Variants in PAX2 observed in about 807,000 individuals in gnomAD.
PAX2 encodes paired box protein Pax-2.
In PAX2, 9 loss-of-function variants were observed where a neutral mutation model predicts 41.7. That is an observed-to-expected ratio of 0.22 (90% CI 0.13 to 0.38). The LOEUF (loss-of-function observed/expected upper bound fraction) is 0.38. Ranked by LOEUF, PAX2 falls within the 10% of genes least tolerant of loss-of-function variation. PAX2 has a pLI of 1.00. For missense variants in PAX2, 418 were observed against 531.6 expected, an observed-to-expected ratio of 0.79 and a Z score of 2.10; for synonymous variants, 221 against 212.7, an observed-to-expected ratio of 1.04 and a Z score of -0.34.
intron 5 of PAX2, among the ~76,000 whole-genome samples, chr10:100,800,837 TG>T (rs1165245620): frequency 2.0e-5 from 3 of 152,012 alleles, no homozygotes; most frequent in Non-Finnish European, 2.9e-5. Flanking sequence ...AATGAGGAGA[TG>T]AGATATTTTG....
intron 7 of PAX2, among the ~76,000 whole-genome samples, chr10:100,814,351 C>CAAAA (rs11458573): frequency 0.022 from 1,149 of 53,396 alleles, 148 homozygotes; most frequent in African/African-American, 0.069. Flanking sequence ...GACTCCATCT[C>CAAAA]AAAAAAAAAA....
intron 7 of PAX2, among the ~76,000 whole-genome samples, chr10:100,813,401 G>A (rs576021393): frequency 1.3e-5 from 2 of 152,310 alleles, no homozygotes; most frequent in Admixed American, 1.3e-4. Flanking sequence ...TCACTCTTTG[G>A]TGCCAGAAAT....
chr10:100,815,810 C>G (rs1335252746), intron 7 of PAX2, among the ~76,000 whole-genome samples: 3 of 152,192 alleles, frequency 2.0e-5, no homozygotes, highest in African/African-American at 7.2e-5. Context: ...AGGTCCCAAT[C>G]CCATGTCCTT....
chr10:100,788,004 G>A (rs1261983373), intron 5 of PAX2, among the ~76,000 whole-genome samples: 1 of 152,176 alleles, frequency 6.6e-6, no homozygotes, highest in East Asian at 1.9e-4. Flanking sequence ...CAGCAGACCA[G>A]CCGTGGTGTC....
At chr10:100,746,476 G>T (rs1486653695) in intron 1 of PAX2, among the ~76,000 whole-genome samples, 173 bp downstream of exon 1, 2 of 152,100 alleles carry the variant, frequency 1.3e-5, no homozygotes, top group Non-Finnish European at 2.9e-5. Flanking sequence ...AATGCCTCCA[G>T]TTTCTCTCCT....
chr10:100,747,575 T>G, intron 1 of PAX2: 2 of 979,590 alleles, frequency 2.0e-6, no homozygotes, highest in Non-Finnish European at 2.4e-6. Flanking sequence ...CAAGGAAACT[T>G]TAGACCCGGC....
chr10:100,792,304 G>T (rs1298943878), intron 5 of PAX2, among the ~76,000 whole-genome samples: 2 of 152,242 alleles, frequency 1.3e-5, no homozygotes, highest in African/African-American at 4.8e-5. Context: ...ATGTGTAAGT[G>T]GGCCAGGACC....
chr10:100,776,560 C>T (rs1846394373), intron 3 of PAX2, among the ~76,000 whole-genome samples: 1 of 152,192 alleles, frequency 6.6e-6, no homozygotes, highest in Non-Finnish European at 1.5e-5. Flanking sequence ...CCAGTATCCA[C>T]TCCTTAGGCC....
At chr10:100,744,590 C>A (rs1355175295), upstream of PAX2, among the ~76,000 whole-genome samples, 1 of 152,190 alleles carries the variant, frequency 6.6e-6, no homozygotes. Context: ...TAGCAGCGGG[C>A]GGCGCTCAGC....
intron 5 of PAX2, among the ~76,000 whole-genome samples, chr10:100,782,522 C>G (rs1027238839): frequency 2.0e-5 from 3 of 152,260 alleles, no homozygotes; most frequent in Non-Finnish European, 4.4e-5. Flanking sequence ...GATCCCCCAG[C>G]CTAGGCTGAG....
At position 100,781,288 on chromosome 10, in the gene PAX2, A is replaced by C; in HGVS notation, c.539A>C (p.Asp180Ala). The C allele has an allele frequency of 6.2e-7, 1 of 1,613,320 alleles. No individual in the cohort carries two copies. Among genetic ancestry groups the C allele is most frequent in the Non-Finnish European group, 8.5e-7 (1 of 1,179,410 alleles). The change falls in exon 5 of 10, where the codon GAC becomes GCC. Residue 180 changes from aspartate (D) to alanine (A), a missense_variant. This residue lies in a region of PAX2 where 310 missense variants were observed against 325.2 expected (regional missense o/e 0.95). Transcript: ENST00000355243. Reference sequence around the variant, plus strand: ...CCTCCTGTTTCCAGCGCCTCCAATGACCCAGTGGGATCCTACTCCATCAAT... The same window carrying C: ...CCTCCTGTTTCCAGCGCCTCCAATGCCCCAGTGGGATCCTACTCCATCAAT... ...ASPPVSSASNDPVGSYSINGI... is the reference protein window; with the variant it reads ...ASPPVSSASNAPVGSYSINGI...
chr10:100,735,657 A>G (rs772478804), exon 1 of PAX2: 93 of 1,059,650 alleles, frequency 8.8e-5, no homozygotes, highest in Non-Finnish European at 1.0e-4. Context: ...GCCGCGGAGG[A>G]GCGGGACAGC....
intron 3 of PAX2, among the ~76,000 whole-genome samples, chr10:100,769,950 T>C (rs1039986815): frequency 1.3e-5 from 2 of 152,134 alleles, no homozygotes; most frequent in Non-Finnish European, 2.9e-5. Flanking sequence ...ATTGGAAAGC[T>C]AGGATAGAGC....
chr10:100,762,925 C>T (rs963385740), intron 3 of PAX2, among the ~76,000 whole-genome samples: 1 of 152,196 alleles, frequency 6.6e-6, no homozygotes, highest in African/African-American at 2.4e-5. Context: ...GGGATTGATC[C>T]ATCAGTTCCT....
intron 3 of PAX2, among the ~76,000 whole-genome samples, chr10:100,755,685 A>G (rs1450605371): frequency 1.3e-5 from 2 of 152,206 alleles, no homozygotes; most frequent in Non-Finnish European, 2.9e-5. Context: ...CCATACAGCC[A>G]GAGATTTCGA....
At chr10:100,787,262 G>A (rs1305604858) in intron 5 of PAX2, among the ~76,000 whole-genome samples, 1 of 152,076 alleles carries the variant, frequency 6.6e-6, no homozygotes. Flanking sequence ...GTGGATGGGG[G>A]GTCACTTTTT....
chr10:100,785,803 A>T (rs2133907557), intron 5 of PAX2, among the ~76,000 whole-genome samples: 1 of 152,318 alleles, frequency 6.6e-6, no homozygotes, highest in East Asian at 1.9e-4. Context: ...AGAGCAGGGC[A>T]TGGATGGGCA....
upstream of PAX2, among the ~76,000 whole-genome samples, chr10:100,741,621 G>T (rs1032520514): frequency 3.9e-5 from 6 of 152,176 alleles, no homozygotes; most frequent in Non-Finnish European, 1.5e-5. Flanking sequence ...CAGAGGGCGA[G>T]TGAGCCTCGG....
chr10:100,806,129 GCTGGCTCCTGGGAGCCCC>G (rs1354473858), intron 5 of PAX2, among the ~76,000 whole-genome samples: 1 of 152,140 alleles, frequency 6.6e-6, no homozygotes, highest in Non-Finnish European at 1.5e-5. Flanking sequence ...GCCCCAGGGA[GCTGGCTCCTGGGAGCCCC>G]CTGGCTCCAC....
Sources: allele counts gnomAD v4.1 joint callset (sites outside exome capture counted in the v4.1 genomes callset), GRCh38; gene constraint gnomAD v4.1.1; regional missense constraint gnomAD v4.1.1; transcripts MANE v1.5; gene names NCBI Gene and HGNC (gene_info 2026-07-23, HGNC 2026-07-21).